The following DOT1L variants were observed in gnomAD, a reference collection of about 807,000 sequenced individuals.
The protein encoded by DOT1L is DOT1 like histone lysine methyltransferase, also known as histone-lysine N-methyltransferase, H3 lysine-79 specific.
In DOT1L, 33 loss-of-function variants were observed where a neutral mutation model predicts 153.3. That is an observed-to-expected ratio of 0.22 (90% CI 0.16 to 0.29). DOT1L has a LOEUF of 0.29. Among genes scored for constraint, DOT1L ranks in the 10% least tolerant of loss-of-function variants. The pLI is 1.00. For missense variants in DOT1L, 1,847 were observed against 2,119.9 expected, an observed-to-expected ratio of 0.87 and a Z score of 2.53; for synonymous variants, 1,135 against 965.1, an observed-to-expected ratio of 1.18 and a Z score of -3.26.
rs745728017 is a variant in DOT1L at position 2,226,585 on chromosome 19, C to A, written c.4064C>A (p.Ser1355Ter). The A allele has an allele frequency of 6.3e-7, 1 of 1,599,704 alleles. No individual in the cohort carries two copies. The highest frequency in any genetic ancestry group is 8.5e-7 in the Non-Finnish European group (1 of 1,177,806). Residue 1355 changes from serine (S) to a stop codon, truncating the protein, a stop_gained, in exon 27 of 28, where the codon TCG becomes TAG. Coordinates refer to ENST00000398665, the MANE Select transcript of DOT1L (RefSeq NM_032482.3). LOFTEE classifies it high-confidence loss of function. ...CTGAGCTCCCCGCTGAGCTTCCCCT[C>A]GCAGCGCGGCAAGGAGGGCTCGGAC... ...AGLSSPLSFP[S>*]QRGKEGSDAN...
rs1248860167 is a variant in DOT1L, at chr19:2,190,992, G to A, written c.265-20G>A. On this transcript the variant is annotated intron_variant, in intron 4 of 27. Coordinates refer to ENST00000398665, the MANE Select transcript of DOT1L (RefSeq NM_032482.3). This position sits in a 1 kb window ranked among gnomAD's most constrained non-coding sequence, Gnocchi z 4.8. Reference sequence around the variant, plus strand: ...GCCGTGAGGTTTATGTGACATGGCCGGGCCACCCTCCGTCCGCAGTGGAAG... The same window carrying A: ...GCCGTGAGGTTTATGTGACATGGCCAGGCCACCCTCCGTCCGCAGTGGAAG... The A allele has an allele frequency of 8.2e-6, 13 of 1,576,648 alleles. No homozygotes were observed. Among genetic ancestry groups the A allele is most frequent in the Middle Eastern group, 3.3e-4 (2 of 6,022 alleles).
chr19:2,206,871 CT>C, intron 10 of DOT1L, 74 bp downstream of exon 10: 1 of 1,460,742 alleles, frequency 6.8e-7, no homozygotes, highest in Non-Finnish European at 9.6e-7. Flanking sequence ...TCCTAGGTCC[CT>C]CTTCCTTGAC....
chr19:2,164,764 C>T (rs1176447941), intron 1 of DOT1L, among the ~76,000 whole-genome samples: 2 of 152,158 alleles, frequency 1.3e-5, no homozygotes, highest in African/African-American at 4.8e-5. Context: ...GTTAACGTCC[C>T]CTTGAGTGGG....
In DOT1L at chr19:2,194,663, G is replaced by A. The variant is rs904397224; in HGVS notation, c.651+86G>A. The A allele has an allele frequency of 7.1e-5, 102 of 1,442,278 alleles. No individual in the cohort carries two copies. The Middle Eastern group carries it at 2.6e-3, about 37-fold the overall frequency. The allele number at this position is 1,442,278 out of a possible 1,614,324, so 89.3% of individuals were successfully genotyped here. On this transcript the variant is annotated intron_variant, in intron 7 of 27. Transcript: ENST00000398665. ...TGTCAGCCCCTCCTTTCTTGCCGAT[G>A]TTGGCACATGGCTGTTGGCACATGG...
At chr19:2,174,514 C>T (rs2021810163) in intron 1 of DOT1L, among the ~76,000 whole-genome samples, 1 of 152,114 alleles carries the variant, frequency 6.6e-6, no homozygotes, top group Non-Finnish European at 1.5e-5. Flanking sequence ...TGGAGAAACC[C>T]CGTCTCTGTT....
chr19:2,222,520 C>T lies in DOT1L; in HGVS notation c.3351C>T (p.Phe1117=), dbSNP rs775078248. 14 of 1,570,168 alleles carry T rather than the reference C, an allele frequency of 8.9e-6. No homozygotes were observed. In the African/African-American group the frequency reaches 1.5e-4, roughly 17 times the overall value. The change falls in exon 24 of 28, where the codon TTC becomes TTT. Residue 1117 remains phenylalanine, a synonymous_variant. Transcript: ENST00000398665. The surrounding 1 kb of genome is among the most constrained non-coding windows in gnomAD (Gnocchi z 6.5). ...CCCTGCCGTCCGTCGCTGGCCTTTT[C>T]ACACAGCCTTCGGGGTCTCCCCTCA... ...RRALPSVAGL[F]TQPSGSPLNL...
At chr19:2,219,586 T>C (rs2144887904) in intron 22 of DOT1L, among the ~76,000 whole-genome samples, 1 of 152,300 alleles carries the variant, frequency 6.6e-6, no homozygotes, top group East Asian at 1.9e-4. Context: ...GGTCCAGGTT[T>C]CTGTGTGGAT....
chr19:2,228,298 G>C (rs779230347), intron 27 of DOT1L: 9 of 1,350,830 alleles, frequency 6.7e-6, no homozygotes, highest in Non-Finnish European at 7.9e-6. Flanking sequence ...GTGTCCCTCG[G>C]CATGCCGCCT....
chr19:2,228,105 C>T, intron 27 of DOT1L: 4 of 1,355,158 alleles, frequency 3.0e-6, no homozygotes, highest in Non-Finnish European at 3.9e-6. Flanking sequence ...TTTCTTGCCC[C>T]CCACCTCTGC....
Position 2,229,838 on chromosome 19 carries a change from A to T in DOT1L, c.*46A>T, listed in dbSNP as rs1555730797. ...GACCTATGCAAGGACGGTGTGGACC[A>T]ACTCGCGCCCGCGGCATGGTGCCCG... On this transcript the variant is annotated 3_prime_UTR_variant, in exon 28 of 28. Transcript: ENST00000398665. The T allele has an allele frequency of 2.4e-5, 39 of 1,612,500 alleles. 1 individual carries two copies. In the South Asian group the frequency reaches 4.2e-4, roughly 17 times the overall value.
Position 2,217,048 on chromosome 19 carries a change from C to T in DOT1L, c.2502C>T (p.Ser834=), listed in dbSNP as rs1568362701. 2.5e-6 allele frequency: 4 copies of T among 1,611,716 alleles called. No individual in the cohort carries two copies. Among genetic ancestry groups the T allele is most frequent in the Non-Finnish European group, 3.4e-6 (4 of 1,179,032 alleles). ...KLSPQDPRPL[S]PGALQLAGEK... ...GCCCTCAGGACCCGCGGCCCCTGTC[C>T]CCTGGGGCCTTGCAGCTTGCTGGAG... The change falls in exon 21 of 28, where the codon TCC becomes TCT. Residue 834 remains serine, a synonymous_variant. Coordinates refer to ENST00000398665, the MANE Select transcript of DOT1L (RefSeq NM_032482.3). This position sits in a 1 kb window ranked among gnomAD's most constrained non-coding sequence, Gnocchi z 7.3.
chr19:2,195,112 T>C (rs1337637097), intron 7 of DOT1L, among the ~76,000 whole-genome samples: 1 of 152,062 alleles, frequency 6.6e-6, no homozygotes, highest in Non-Finnish European at 1.5e-5. Context: ...GCGCTCCCCT[T>C]TCAGTGGCTG....
Position 2,230,353 on chromosome 19 carries a change from C to T in DOT1L, c.*561C>T. 2.4e-6 allele frequency: 1 copy of T among 412,542 alleles called. No individual in the cohort carries two copies. The highest frequency in any genetic ancestry group is 4.3e-6 in the Non-Finnish European group (1 of 235,014). 25.6% of individuals were successfully genotyped at this position (412,542 alleles called of 1,614,324 possible). On this transcript the variant is annotated 3_prime_UTR_variant, in exon 28 of 28. Transcript: ENST00000398665. ...GCGGCCTGAGCCCCTTCCTGAGCGCCCTGGCGCCTGCCCTGAGCTCTTCAC... is the reference window on the plus strand; with the variant it reads ...GCGGCCTGAGCCCCTTCCTGAGCGCTCTGGCGCCTGCCCTGAGCTCTTCAC...
At chr19:2,179,232 G>A (rs972517887) in intron 1 of DOT1L, among the ~76,000 whole-genome samples, 2 of 152,228 alleles carry the variant, frequency 1.3e-5, no homozygotes, top group African/African-American at 2.4e-5. Flanking sequence ...CTGGGCCTTG[G>A]GAGGCTCGTG....
At position 2,174,958 on chromosome 19, in the gene DOT1L, ATG is replaced by A. The variant is rs71337121; in HGVS notation, c.82-5719_82-5718del. ...GATCTCTTTTTAAGTTTTTAAATATATGTGTGTGTGTGTGTGTGTGTGTGTGT... is the reference window on the plus strand; with the variant it reads ...GATCTCTTTTTAAGTTTTTAAATATATGTGTGTGTGTGTGTGTGTGTGTGT... On this transcript the variant is annotated intron_variant, in intron 1 of 27. Coordinates refer to ENST00000398665, the MANE Select transcript of DOT1L (RefSeq NM_032482.3). 6.7e-3 allele frequency among the ~76,000 whole-genome samples: 869 copies of A among 130,010 alleles called. 7 individuals carry two copies. The highest frequency in any genetic ancestry group is 7.0e-3 in the African/African-American group (241 of 34,416). The allele number at this position is 130,010 out of a possible 152,430, so 85.3% of individuals were successfully genotyped here.
intron 1 of DOT1L, among the ~76,000 whole-genome samples, chr19:2,168,616 G>A (rs991983765): frequency 7.2e-5 from 11 of 152,094 alleles, no homozygotes; most frequent in African/African-American, 2.7e-4. Context: ...GCCCCGCATG[G>A]CATTTCTTAT....
In DOT1L at chr19:2,214,006, G is replaced by T; in HGVS notation, c.1797+20G>T. Reference sequence around the variant, plus strand: ...CAGCTGGTGGGTGCCGCGGCGCAAGGACAGGGACGTGGAACCAGAGGGGCC... The same window carrying T: ...CAGCTGGTGGGTGCCGCGGCGCAAGTACAGGGACGTGGAACCAGAGGGGCC... On this transcript the variant is annotated intron_variant, in intron 18 of 27. Transcript: ENST00000398665. 1.9e-6 allele frequency: 3 copies of T among 1,609,370 alleles called. No individual in the cohort carries two copies. In the South Asian group the frequency reaches 3.3e-5, roughly 18 times the overall value.
Position 2,213,590 on chromosome 19 carries a change from C to G in DOT1L, c.1609C>G (p.Gln537Glu), listed in dbSNP as rs779433641. 1.9e-6 allele frequency: 3 copies of G among 1,613,608 alleles called. No individual in the cohort carries two copies. In the Admixed American group the frequency reaches 5.0e-5, roughly 27 times the overall value. ...GAAQQLLSHC[Q>E]AQKEEIRRLF... ...GGCTCAGCAGCTCCTCAGCCACTGCCAGGCCCAGAAGGAGGAGATCAGGAG... is the reference window on the plus strand; with the variant it reads ...GGCTCAGCAGCTCCTCAGCCACTGCGAGGCCCAGAAGGAGGAGATCAGGAG... The change falls in exon 17 of 28, where the codon CAG (glutamine) becomes GAG (glutamate). Residue 537 changes from glutamine to glutamate, a missense_variant. Coordinates refer to ENST00000398665, the MANE Select transcript of DOT1L (RefSeq NM_032482.3).
chr19:2,171,459 G>A (rs1200261119), intron 1 of DOT1L, among the ~76,000 whole-genome samples: 1 of 152,178 alleles, frequency 6.6e-6, no homozygotes, highest in African/African-American at 2.4e-5. Flanking sequence ...GACACCTGGT[G>A]GCGTCTAGAG....
Sources: allele counts gnomAD v4.1 joint callset (sites outside exome capture counted in the v4.1 genomes callset), GRCh38; gene constraint gnomAD v4.1.1; non-coding constraint Gnocchi (gnomAD v3.1); transcripts MANE v1.5; gene names NCBI Gene and HGNC (gene_info 2026-07-23, HGNC 2026-07-21).